IMMP2L: variants seen among roughly 807,000 people sequenced by gnomAD.
The protein encoded by IMMP2L is inner mitochondrial membrane peptidase subunit 2, also known as mitochondrial inner membrane protease subunit 2.
IMMP2L carries 18 observed loss-of-function variants against 19.3 expected under a neutral mutation model. The observed-to-expected ratio is 0.93, with a 90% CI of 0.64 to 1.38. The LOEUF (loss-of-function observed/expected upper bound fraction) is 1.38, where lower values mean the gene tolerates loss of function less well. Ranked by LOEUF, IMMP2L falls within the 40% of genes most tolerant of loss-of-function variation. The pLI is 0.00. For synonymous variants in IMMP2L, 76 were observed against 73.0 expected, an observed-to-expected ratio of 1.04 and a Z score of -0.21; for missense variants, 233 against 218.2, an observed-to-expected ratio of 1.07 and a Z score of -0.43.
chr7:110,721,009 G>C lies in IMMP2L; in HGVS notation c.409-57288C>G, dbSNP rs1414362783. ...CCACCCCCTCCCCAGTCAGCATCAA[G>C]ATTAATATTCAATATATAAAAATAG... On this transcript the variant is annotated intron_variant, in intron 5 of 5. Coordinates refer to ENST00000405709, the MANE Select transcript of IMMP2L (RefSeq NM_032549.4). 6.8e-5 allele frequency among the ~76,000 whole-genome samples: 9 copies of C among 133,006 alleles called. No individual in the cohort carries two copies. In the Admixed American group the frequency reaches 8.4e-4, roughly 12 times the overall value. The allele number at this position is 133,006 out of a possible 152,430, so 87.3% of individuals were successfully genotyped here.
At chr7:111,534,285 AATT>A (rs2132844502) in intron 1 of IMMP2L, among the ~76,000 whole-genome samples, 1 of 152,234 alleles carries the variant, frequency 6.6e-6, no homozygotes, top group South Asian at 2.1e-4. Flanking sequence ...TATGTAAATA[AATT>A]ATGACATGCA....
intron 5 of IMMP2L, among the ~76,000 whole-genome samples, chr7:110,705,688 C>T (rs1584560513): frequency 6.6e-6 from 1 of 152,186 alleles, no homozygotes; most frequent in South Asian, 2.1e-4. Context: ...CCAGATAACA[C>T]TATCTGGGTG....
chr7:111,539,399 A>G (rs776254524), intron 1 of IMMP2L, among the ~76,000 whole-genome samples: 1 of 152,172 alleles, frequency 6.6e-6, no homozygotes, highest in Non-Finnish European at 1.5e-5. Context: ...GATAAGAAGG[A>G]TCAAGTAACT....
At chr7:111,506,397 C>T (rs1844906378) in intron 2 of IMMP2L, among the ~76,000 whole-genome samples, 1 of 151,936 alleles carries the variant, frequency 6.6e-6, no homozygotes, top group Non-Finnish European at 1.5e-5. Context: ...CCCAAAACTA[C>T]ATCCATATCT....
chr7:111,102,970 C>G (rs1426516943), intron 3 of IMMP2L, among the ~76,000 whole-genome samples: 1 of 151,370 alleles, frequency 6.6e-6, no homozygotes, highest in Admixed American at 6.6e-5. Context: ...GCACTCAAGC[C>G]CTTGAGTTGC....
chr7:110,892,808 T>C (rs1401304002), intron 4 of IMMP2L, among the ~76,000 whole-genome samples: 1 of 152,176 alleles, frequency 6.6e-6, no homozygotes, highest in African/African-American at 2.4e-5. Context: ...CAATCTTAAC[T>C]ATACAACTCA....
At chr7:111,115,395 A>G (rs534342739) in intron 3 of IMMP2L, among the ~76,000 whole-genome samples, 3 of 152,288 alleles carry the variant, frequency 2.0e-5, no homozygotes, top group African/African-American at 7.2e-5. Context: ...ATCAATAATT[A>G]AATATAACTA....
chr7:111,399,882 A>G (rs925097993), intron 3 of IMMP2L, among the ~76,000 whole-genome samples: 5 of 152,168 alleles, frequency 3.3e-5, no homozygotes, highest in Non-Finnish European at 7.3e-5. Context: ...GAGAATCAAC[A>G]AAACATCCTA....
chr7:111,004,723 G>A (rs940180662), intron 3 of IMMP2L, among the ~76,000 whole-genome samples: 6 of 152,090 alleles, frequency 3.9e-5, no homozygotes, highest in Non-Finnish European at 8.8e-5. Context: ...TTCTATATGA[G>A]GCATGTGCTT....
chr7:111,461,887 T>C lies in IMMP2L; in HGVS notation c.239+25351A>G, dbSNP rs1840166436. The stretch of plus-strand genomic sequence containing the variant: ...TTCCTTCAAAATGTATTTACTGTCA[T>C]GGAAAAAAATAATTTGCCACTATAA... On this transcript the variant is annotated intron_variant, in intron 3 of 5. Transcript: ENST00000405709. Among the ~76,000 whole-genome samples the C allele has an allele frequency of 2.0e-5, 3 of 152,098 alleles. No homozygotes were observed. The South Asian group carries it at 6.2e-4, about 32-fold the overall frequency.
intron 3 of IMMP2L, among the ~76,000 whole-genome samples, chr7:111,144,324 T>C (rs372244882): frequency 5.9e-5 from 9 of 152,268 alleles, no homozygotes; most frequent in African/African-American, 2.2e-4. Flanking sequence ...ACAGGAATAG[T>C]CGTAAATTCT....
chr7:111,099,228 T>C (rs1797715073), intron 3 of IMMP2L, among the ~76,000 whole-genome samples: 1 of 151,690 alleles, frequency 6.6e-6, no homozygotes, highest in African/African-American at 2.4e-5. Context: ...GGTCTCAAAT[T>C]TCATTATTTA....
At chr7:111,474,815 T>C (rs1841580167) in intron 3 of IMMP2L, among the ~76,000 whole-genome samples, 1 of 152,262 alleles carries the variant, frequency 6.6e-6, no homozygotes, top group East Asian at 1.9e-4. Flanking sequence ...CTTATTGCTC[T>C]TTAAAGATCA....
intron 5 of IMMP2L, among the ~76,000 whole-genome samples, chr7:110,774,076 G>T (rs1413736527): frequency 6.6e-6 from 1 of 151,948 alleles, no homozygotes; most frequent in East Asian, 1.9e-4. Flanking sequence ...AAGGGGGAAG[G>T]CTGAAAAACT....
intron 5 of IMMP2L, among the ~76,000 whole-genome samples, chr7:110,809,636 T>A (rs545852263): frequency 6.6e-6 from 1 of 152,162 alleles, no homozygotes; most frequent in East Asian, 1.9e-4. Context: ...ATGAACTAGA[T>A]AAATATAATA....
At chr7:110,944,423 C>A (rs10464508) in intron 4 of IMMP2L, among the ~76,000 whole-genome samples, 1 of 150,258 alleles carries the variant, frequency 6.7e-6, no homozygotes, top group Non-Finnish European at 1.5e-5. Context: ...TTTTTTAAAT[C>A]TGGAATAGTA....
chr7:111,535,375 A>G (rs191530627), intron 1 of IMMP2L, among the ~76,000 whole-genome samples: 31 of 152,270 alleles, frequency 2.0e-4, no homozygotes, highest in African/African-American at 6.7e-4. Flanking sequence ...AAAAAACTGC[A>G]CACTTCACTT....
chr7:111,033,816 A>G (rs761485536), intron 3 of IMMP2L, among the ~76,000 whole-genome samples: 5 of 152,232 alleles, frequency 3.3e-5, no homozygotes, highest in Non-Finnish European at 7.3e-5. Flanking sequence ...TATTCATAGC[A>G]GTGTTATTTA....
At chr7:111,112,131 A>G (rs1799309831) in intron 3 of IMMP2L, among the ~76,000 whole-genome samples, 1 of 151,482 alleles carries the variant, frequency 6.6e-6, no homozygotes, top group South Asian at 2.1e-4. Context: ...TATTTTTAGT[A>G]GAGACGGAGT....
Sources: gnomAD v4.1 joint callset for allele counts (sites outside exome capture counted in the v4.1 genomes callset) on GRCh38, gnomAD v4.1.1 for gene constraint, MANE v1.5 for transcripts, NCBI Gene and HGNC (gene_info 2026-07-23, HGNC 2026-07-21) for gene names.